SLC22A3: variants seen among roughly 807,000 people sequenced by gnomAD.
SLC22A3 encodes the protein EMT organic cation transporter 3.
In SLC22A3, 51 loss-of-function variants were observed where a neutral mutation model predicts 59.1. That is an observed-to-expected ratio of 0.86 (90% confidence interval 0.69 to 1.09). The LOEUF is 1.09. SLC22A3 is among the 50% of genes least tolerant of loss of function. The pLI is 0.00. For missense variants in SLC22A3, 711 were observed against 726.3 expected, an observed-to-expected ratio of 0.98 and a Z score of 0.24; for synonymous variants, 325 against 292.0, an observed-to-expected ratio of 1.11 and a Z score of -1.15.
At chr6:160,417,538 T>C (rs2114874806) in intron 5 of SLC22A3, among the ~76,000 whole-genome samples, 1 of 152,354 alleles carries the variant, frequency 6.6e-6, no homozygotes, top group African/African-American at 2.4e-5. Context: ...CATTCTTTGG[T>C]GATGCAGGGG....
Position 160,452,283 on chromosome 6 carries a change from T to C in SLC22A3, c.*1227T>C, listed in dbSNP as rs771844755. The C allele has an allele frequency of 6.6e-6, 1 of 152,200 alleles. No individual in the cohort carries two copies. The highest frequency in any genetic ancestry group is 1.5e-5 in the Non-Finnish European group (1 of 68,042). 9.4% of individuals were successfully genotyped at this position (152,200 alleles called of 1,614,324 possible). A position where few individuals can be genotyped will look rare whatever the true frequency, so the allele number is the denominator to read the frequency against. On this transcript the variant is annotated 3_prime_UTR_variant, in exon 11 of 11. Coordinates refer to ENST00000275300, the MANE Select transcript of SLC22A3 (RefSeq NM_021977.4). ...TGGTACCAAAGGGAAACATTAACCA[T>C]GAGGAAGAGCATTTTTCTAAGGAGA...
At chr6:160,376,355 G>A (rs572916642) in intron 1 of SLC22A3, among the ~76,000 whole-genome samples, 14 of 152,188 alleles carry the variant, frequency 9.2e-5, no homozygotes, top group South Asian at 2.1e-4. Flanking sequence ...GTGGGGGCAG[G>A]GGGGTGGTGC....
intron 5 of SLC22A3, among the ~76,000 whole-genome samples, chr6:160,412,468 G>T (rs1464981204): frequency 2.3e-4 from 35 of 152,144 alleles, no homozygotes; most frequent in Admixed American, 2.3e-3. Context: ...ATATTAAGTG[G>T]CAAGCAGTAG....
chr6:160,451,271 TAGCC>T lies in SLC22A3; in HGVS notation c.*218_*221del. 1.8e-6 allele frequency: 1 copy of T among 544,470 alleles called. No individual in the cohort carries two copies. The highest frequency in any genetic ancestry group is 3.3e-6 in the Non-Finnish European group (1 of 303,674). The allele number at this position is 544,470 out of a possible 1,614,324, so 33.7% of individuals were successfully genotyped here. ...GAAGTTTCTGGGAACACATAATATG[TAGCC>T]AGTTTAACAAAGAAGCTGTCAGGTG... On this transcript the variant is annotated 3_prime_UTR_variant, in exon 11 of 11. Coordinates refer to ENST00000275300, the MANE Select transcript of SLC22A3 (RefSeq NM_021977.4).
intron 10 of SLC22A3, among the ~76,000 whole-genome samples, chr6:160,450,436 C>A (rs1022145663): frequency 3.3e-5 from 5 of 152,154 alleles, no homozygotes; most frequent in African/African-American, 1.2e-4. Context: ...CGCTGTTACT[C>A]TGTTCTATTT....
chr6:160,370,489 C>A (rs1243727681), intron 1 of SLC22A3, among the ~76,000 whole-genome samples: 1 of 152,162 alleles, frequency 6.6e-6, no homozygotes, highest in East Asian at 1.9e-4. Flanking sequence ...AGTGTTAGAA[C>A]CAGGCATTGT....
intron 1 of SLC22A3, among the ~76,000 whole-genome samples, chr6:160,369,072 T>G (rs1237823642): frequency 6.6e-6 from 1 of 152,236 alleles, no homozygotes; most frequent in Non-Finnish European, 1.5e-5. Flanking sequence ...ATCATGTATT[T>G]CATTGTCTCC....
chr6:160,408,939 A>C lies in SLC22A3; in HGVS notation c.857+18A>C, dbSNP rs547047915. On this transcript the variant is annotated intron_variant, in intron 4 of 10. Transcript: ENST00000275300. ...TATTACTGGTAATGTGGTTTTGGTTATCATCATATTTATACTGATTCTGCA... is the reference window on the plus strand; with the variant it reads ...TATTACTGGTAATGTGGTTTTGGTTCTCATCATATTTATACTGATTCTGCA... 6.2e-7 allele frequency: 1 copy of C among 1,609,938 alleles called. No homozygotes were observed. Among genetic ancestry groups the C allele is most frequent in the Admixed American group, 1.7e-5 (1 of 59,866 alleles).
rs1182590034 is a variant in SLC22A3, at chr6:160,348,808, G to C, written c.389G>C (p.Gly130Ala). 6.3e-7 allele frequency: 1 copy of C among 1,580,204 alleles called. No homozygotes were observed. The highest frequency in any genetic ancestry group is 8.5e-7 in the Non-Finnish European group (1 of 1,171,470). ...RSAPLVPCRG[G>A]WRYAQAHSTI... is the part of the protein sequence containing the mutation. Reference sequence around the variant, plus strand: ...GCTCCCCTTGTGCCGTGCCGCGGCGGCTGGCGCTACGCCCAGGCCCACTCC... The same window carrying C: ...GCTCCCCTTGTGCCGTGCCGCGGCGCCTGGCGCTACGCCCAGGCCCACTCC... Residue 130 changes from glycine (G) to alanine (A), a missense_variant, in exon 1 of 11, where the codon GGC (glycine) becomes GCC (alanine). By Grantham distance (60) the Gly-to-Ala change is moderately conservative. Transcript: ENST00000275300.
At chr6:160,364,996 A>G (rs1288403776) in intron 1 of SLC22A3, among the ~76,000 whole-genome samples, 5 of 152,296 alleles carry the variant, frequency 3.3e-5, no homozygotes, top group African/African-American at 1.2e-4. Flanking sequence ...ATGTAAAAAA[A>G]TACACTTACA....
chr6:160,448,856 T>A (rs1034753046), intron 10 of SLC22A3, among the ~76,000 whole-genome samples: 5 of 152,220 alleles, frequency 3.3e-5, no homozygotes, highest in Admixed American at 3.3e-4. Context: ...TTTGATTTTC[T>A]TTAAAAATTA....
chr6:160,414,160 C>A (rs1112444), intron 5 of SLC22A3, among the ~76,000 whole-genome samples: 31,874 of 152,122 alleles, frequency 0.21, 4,172 homozygotes, highest in East Asian at 0.33. Flanking sequence ...TAGTACATTT[C>A]CATTGAGAGA....
At chr6:160,416,458 G>T (rs1180607986) in intron 5 of SLC22A3, among the ~76,000 whole-genome samples, 3 of 144,566 alleles carry the variant, frequency 2.1e-5, no homozygotes, top group East Asian at 1.9e-4. Flanking sequence ...AACTTTTAAG[G>T]CTTACTTAAA....
chr6:160,411,956 G>A (rs974173640), intron 5 of SLC22A3, among the ~76,000 whole-genome samples: 1 of 152,200 alleles, frequency 6.6e-6, no homozygotes, highest in Non-Finnish European at 1.5e-5. Flanking sequence ...TGTTAGAGAA[G>A]AATTTTTGGA....
rs191491891 is a variant in SLC22A3 at position 160,406,359 on chromosome 6, C to T, written c.534-682C>T. Among the ~76,000 whole-genome samples, 520 of 152,252 alleles carry T rather than the reference C, an allele frequency of 3.4e-3. 2 individuals carry two copies. Among genetic ancestry groups the T allele is most frequent in the African/African-American group, 0.012 (497 of 41,576 alleles). Reference sequence around the variant, plus strand: ...CATTTACCAGACAATAATTTGACACCACTATGCTGAACCAATTCACACCAG... The same window carrying T: ...CATTTACCAGACAATAATTTGACACTACTATGCTGAACCAATTCACACCAG... On this transcript the variant is annotated intron_variant, in intron 2 of 10. Transcript: ENST00000275300.
chr6:160,365,438 G>T (rs972269270), intron 1 of SLC22A3, among the ~76,000 whole-genome samples: 2 of 152,232 alleles, frequency 1.3e-5, no homozygotes, highest in Non-Finnish European at 2.9e-5. Flanking sequence ...GAACCAGACT[G>T]CTGGGCCTCA....
chr6:160,427,563 T>G (rs1788009289), intron 5 of SLC22A3, among the ~76,000 whole-genome samples: 1 of 152,180 alleles, frequency 6.6e-6, no homozygotes, highest in South Asian at 2.1e-4. Flanking sequence ...GGACAGGTGG[T>G]CTGATGAGCT....
intron 10 of SLC22A3, among the ~76,000 whole-genome samples, chr6:160,450,212 C>T (rs1338201587): frequency 6.6e-6 from 1 of 152,146 alleles, no homozygotes; most frequent in Non-Finnish European, 1.5e-5. Flanking sequence ...GCAGACTCTC[C>T]CAGTGCGACT....
rs76556187 is a variant in SLC22A3, at chr6:160,443,086, T to G, written c.1397+217T>G. Among the ~76,000 whole-genome samples the G allele has an allele frequency of 7.7e-3, 1,174 of 152,372 alleles. 20 individuals are homozygous for G. The highest frequency in any genetic ancestry group is 0.026 in the African/African-American group (1,100 of 41,580). On this transcript the variant is annotated intron_variant, in intron 8 of 10. Transcript: ENST00000275300. Reference sequence around the variant, plus strand: ...TAAAAGTATTTCTCATATTAATATCTTCACACACTGTTACGGTTTTGAGGA... The same window carrying G: ...TAAAAGTATTTCTCATATTAATATCGTCACACACTGTTACGGTTTTGAGGA...
Sources: allele counts gnomAD v4.1 joint callset (sites outside exome capture counted in the v4.1 genomes callset), GRCh38; gene constraint gnomAD v4.1.1; transcripts MANE v1.5; gene names NCBI Gene and HGNC (gene_info 2026-07-23, HGNC 2026-07-21).